Variants in SLC38A9 observed in about 807,000 individuals in gnomAD.
The protein encoded by SLC38A9 is solute carrier family 38 member 9.
In SLC38A9, 48 loss-of-function variants were observed where a neutral mutation model predicts 62.3. That is an observed-to-expected ratio of 0.77 (90% CI 0.61 to 0.98). SLC38A9 has a LOEUF of 0.98. Among genes scored for constraint, SLC38A9 ranks in the 50% least tolerant of loss-of-function variants. SLC38A9 has a pLI of 0.00. For synonymous variants in SLC38A9, 204 were observed against 227.7 expected (o/e 0.90, Z 0.94); for missense variants, 541 against 679.8 (o/e 0.80, Z 2.27).
chr5:55,645,979 A>C, intron 11 of SLC38A9, 84 bp from the exon 12 acceptor site: 1 of 812,062 alleles, frequency 1.2e-6, no homozygotes, highest in Non-Finnish European at 2.0e-6. Flanking sequence ...ACTAAAAATC[A>C]GTTGTCACTG....
At chr5:55,698,491 G>A (rs1278549372) in intron 2 of SLC38A9, among the ~76,000 whole-genome samples, 4 of 152,140 alleles carry the variant, frequency 2.6e-5, no homozygotes, top group African/African-American at 4.8e-5. Context: ...TTCATCCAAA[G>A]TAAGGAATTA....
chr5:55,692,976 A>G (rs922963786), intron 3 of SLC38A9: 2 of 982,834 alleles, frequency 2.0e-6, no homozygotes, highest in Non-Finnish European at 2.4e-6. Context: ...TAGTTTTAAG[A>G]AAGACTAAAA....
intron 14 of SLC38A9, among the ~76,000 whole-genome samples, chr5:55,630,840 A>T (rs1743311337): frequency 6.6e-6 from 1 of 152,188 alleles, no homozygotes; most frequent in Non-Finnish European, 1.5e-5. Context: ...TAAACAAATT[A>T]AAAATACTTT....
chr5:55,699,214 C>G (rs1756325305), intron 2 of SLC38A9, among the ~76,000 whole-genome samples: 2 of 152,140 alleles, frequency 1.3e-5, no homozygotes, highest in Non-Finnish European at 2.9e-5. Context: ...AAGATCGTGC[C>G]ACTGCACTCT....
chr5:55,628,224 C>T (rs1372569306), intron 14 of SLC38A9, among the ~76,000 whole-genome samples: 2 of 152,070 alleles, frequency 1.3e-5, no homozygotes, highest in Non-Finnish European at 2.9e-5. Flanking sequence ...TAGTGTGTAT[C>T]AGAATTCACA....
intron 2 of SLC38A9, among the ~76,000 whole-genome samples, chr5:55,701,556 T>C (rs991054488): frequency 6.6e-6 from 1 of 152,156 alleles, no homozygotes; most frequent in Non-Finnish European, 1.5e-5. Flanking sequence ...AGCATTCTAA[T>C]GGAGCTCCCT....
In SLC38A9 at chr5:55,649,183, T is replaced by TA. The variant is rs1234326676; in HGVS notation, c.1060+23_1060+24insT. The TA allele has an allele frequency of 1.6e-5, 21 of 1,332,594 alleles. No homozygotes were observed. In the African/African-American group the frequency reaches 2.8e-4, roughly 18 times the overall value. 82.5% of individuals were successfully genotyped at this position (1,332,594 alleles called of 1,614,324 possible). On this transcript the variant is annotated intron_variant, in intron 11 of 15. Transcript: ENST00000396865. ...ATGGTTAAGATCACATTATTATAATTTATTATTTTGCCAAAAAGCTCACCT... is the reference window on the plus strand; with the variant it reads ...ATGGTTAAGATCACATTATTATAATTATATTATTTTGCCAAAAAGCTCACCT...
chr5:55,684,070 T>C (rs906718091), intron 3 of SLC38A9, among the ~76,000 whole-genome samples: 2 of 152,246 alleles, frequency 1.3e-5, no homozygotes, highest in African/African-American at 4.8e-5. Context: ...GAATTTCTAT[T>C]TGATTCTTTT....
At chr5:55,700,519 C>A (rs1756510954) in intron 2 of SLC38A9, among the ~76,000 whole-genome samples, 1 of 151,414 alleles carries the variant, frequency 6.6e-6, no homozygotes, top group Middle Eastern at 3.2e-3. Context: ...CAGTGTATAA[C>A]CTTAAATTTA....
intron 3 of SLC38A9, among the ~76,000 whole-genome samples, chr5:55,681,824 T>G (rs896515864): frequency 6.6e-6 from 1 of 152,132 alleles, no homozygotes; most frequent in Non-Finnish European, 1.5e-5. Flanking sequence ...TCCAAGCCCA[T>G]GTCCTGTTTT....
At chr5:55,637,619 A>G (rs1014769619) in intron 12 of SLC38A9, among the ~76,000 whole-genome samples, 39 of 152,334 alleles carry the variant, frequency 2.6e-4, no homozygotes, top group Middle Eastern at 3.4e-3. Flanking sequence ...TGTATCCCCA[A>G]TACCCAGGAC....
intron 11 of SLC38A9, among the ~76,000 whole-genome samples, chr5:55,647,186 T>TA (rs1746522396): frequency 1.1e-5 from 1 of 87,006 alleles, no homozygotes; most frequent in Non-Finnish European, 2.9e-5. Context: ...TTTTATTTTT[T>TA]ATTTTTTTTT....
chr5:55,656,224 T>G (rs1469723799), intron 9 of SLC38A9, among the ~76,000 whole-genome samples: 4 of 150,912 alleles, frequency 2.7e-5, no homozygotes, highest in Non-Finnish European at 5.9e-5. Context: ...ATAAATAAAT[T>G]GAAAAAGCTT....
At chr5:55,690,269 G>T (rs1257282127) in intron 3 of SLC38A9, among the ~76,000 whole-genome samples, 2 of 152,076 alleles carry the variant, frequency 1.3e-5, no homozygotes, top group Non-Finnish European at 2.9e-5. Context: ...TGGGATTACA[G>T]GTGTAAGCCA....
At chr5:55,631,383 C>T (rs967224157) in intron 14 of SLC38A9, among the ~76,000 whole-genome samples, 1 of 152,052 alleles carries the variant, frequency 6.6e-6, no homozygotes, top group East Asian at 1.9e-4. Context: ...AGGGAAATCT[C>T]TGACTTTTTC....
At chr5:55,656,974 C>T (rs113945860) in intron 8 of SLC38A9, among the ~76,000 whole-genome samples, 200 bp from the exon 9 acceptor site, 4,286 of 152,134 alleles carry the variant, frequency 0.028, 76 homozygotes, top group South Asian at 0.044. Context: ...CATTCTCCTG[C>T]CTCAGCCTCC....
At chr5:55,639,327 C>T (rs1324906739) in intron 12 of SLC38A9, among the ~76,000 whole-genome samples, 1 of 125,962 alleles carries the variant, frequency 7.9e-6, no homozygotes, top group Non-Finnish European at 1.7e-5. Flanking sequence ...ACACATATAA[C>T]AAACTGCATT....
At position 55,706,952 on chromosome 5, in the gene SLC38A9, T is replaced by C. The variant is rs1033910030; in HGVS notation, c.-35+4500A>G. On this transcript the variant is annotated intron_variant, in intron 2 of 15. Transcript: ENST00000396865. ...GTGACAACAGATATGCTTTCTTTTT[T>C]TTTTTTTGAGACAGGGTCTCACTCT... is the stretch of plus-strand genomic sequence containing the variant. 2.6e-5 allele frequency among the ~76,000 whole-genome samples: 4 copies of C among 152,086 alleles called. 1 individual carries two copies. The highest frequency in any genetic ancestry group is 9.7e-5 in the African/African-American group (4 of 41,418).
At chr5:55,659,779 T>A (rs1011424170) in intron 8 of SLC38A9, among the ~76,000 whole-genome samples, 16 of 150,674 alleles carry the variant, frequency 1.1e-4, no homozygotes, top group African/African-American at 3.4e-4. Flanking sequence ...TTATTTATTT[T>A]TTTTGAGACA....
Sources: allele counts gnomAD v4.1 joint callset (sites outside exome capture counted in the v4.1 genomes callset), GRCh38; gene constraint gnomAD v4.1.1; transcripts MANE v1.5; gene names NCBI Gene and HGNC (gene_info 2026-07-23, HGNC 2026-07-21).